SLC24A2: variants seen among roughly 807,000 people sequenced by gnomAD.
The protein encoded by SLC24A2 is sodium/potassium/calcium exchanger 2.
A neutral mutation model predicts 62.0 loss-of-function variants in SLC24A2; 36 were observed. That is an observed-to-expected ratio of 0.58 (90% CI 0.44 to 0.77). The LOEUF (loss-of-function observed/expected upper bound fraction) is 0.77. Ranked by LOEUF, SLC24A2 falls within the 30% of genes least tolerant of loss-of-function variation. The pLI is 0.00. For missense variants in SLC24A2, 846 were observed against 817.9 expected (o/e 1.03, Z -0.42); for synonymous variants, 358 against 294.0 (o/e 1.22, Z -2.23).
chr9:19,868,660 T>C, the SLC24A2 span, among the ~76,000 whole-genome samples: 1 of 152,184 alleles, frequency 6.6e-6, no homozygotes, highest in Non-Finnish European at 1.5e-5. Context: ...GTTAGTCGTG[T>C]ATATATTTAT....
At chr9:19,880,472 G>A in the SLC24A2 span, among the ~76,000 whole-genome samples, 1 of 152,164 alleles carries the variant, frequency 6.6e-6, no homozygotes, top group Admixed American at 6.5e-5. Flanking sequence ...CATGGCCACG[G>A]AAGTGGGGCT....
chr9:19,656,852 T>TA (rs892144120), intron 2 of SLC24A2, among the ~76,000 whole-genome samples: 1 of 152,208 alleles, frequency 6.6e-6, no homozygotes, highest in African/African-American at 2.4e-5. Context: ...CATCCACCGT[T>TA]ACCTCTCACC....
intron 2 of SLC24A2, among the ~76,000 whole-genome samples, chr9:19,683,157 T>C (rs967688859): frequency 6.6e-6 from 1 of 152,134 alleles, no homozygotes; most frequent in Non-Finnish European, 1.5e-5. Context: ...GTACATTAAC[T>C]ATTGAACACT....
chr9:19,680,039 A>G (rs1019412000), intron 2 of SLC24A2, among the ~76,000 whole-genome samples: 25 of 152,282 alleles, frequency 1.6e-4, no homozygotes, highest in African/African-American at 5.3e-4. Flanking sequence ...GGCTCTTCCA[A>G]CTAAACATGA....
intron 2 of SLC24A2, among the ~76,000 whole-genome samples, chr9:19,630,630 T>C (rs968394039): frequency 6.6e-6 from 1 of 152,114 alleles, no homozygotes; most frequent in South Asian, 2.1e-4. Context: ...AACGGTACCA[T>C]ATCAGTACCT....
At chr9:19,884,272 CT>C in the SLC24A2 span, among the ~76,000 whole-genome samples, 1 of 150,196 alleles carries the variant, frequency 6.7e-6, no homozygotes, top group Non-Finnish European at 1.5e-5. Context: ...TTTATGAGCC[CT>C]ATTCCTAAAG....
At chr9:19,776,358 T>C (rs1822846638) in intron 2 of SLC24A2, among the ~76,000 whole-genome samples, 1 of 152,202 alleles carries the variant, frequency 6.6e-6, no homozygotes, top group South Asian at 2.1e-4. Context: ...TGTTTCCCAA[T>C]CCTCAGATTC....
chr9:19,641,110 C>T (rs1016481430), intron 2 of SLC24A2, among the ~76,000 whole-genome samples: 4 of 152,308 alleles, frequency 2.6e-5, no homozygotes, highest in African/African-American at 9.6e-5. Context: ...ACCAAGTCAC[C>T]AAAGACCATT....
chr9:19,859,569 C>T, the SLC24A2 span, among the ~76,000 whole-genome samples: 1 of 152,142 alleles, frequency 6.6e-6, no homozygotes, highest in Non-Finnish European at 1.5e-5. Context: ...TTCCCCTTGC[C>T]CCCTGCAAGC....
chr9:19,829,816 C>T, the SLC24A2 span, among the ~76,000 whole-genome samples: 143 of 48,752 alleles, frequency 2.9e-3, no homozygotes, highest in African/African-American at 7.7e-3. Flanking sequence ...TATATACACA[C>T]ACACACACAC....
At chr9:19,760,588 C>T (rs184710970) in intron 2 of SLC24A2, among the ~76,000 whole-genome samples, 38 of 151,920 alleles carry the variant, frequency 2.5e-4, no homozygotes, top group Non-Finnish European at 4.9e-4. Flanking sequence ...CATTGTTCAA[C>T]TCCCACTTAT....
the SLC24A2 span, among the ~76,000 whole-genome samples, chr9:19,909,033 G>A: frequency 1.3e-5 from 2 of 152,120 alleles, no homozygotes; most frequent in African/African-American, 4.8e-5. Flanking sequence ...ACATGCACAC[G>A]TATGTTTATT....
At chr9:19,853,609 T>C in the SLC24A2 span, among the ~76,000 whole-genome samples, 1 of 152,020 alleles carries the variant, frequency 6.6e-6, no homozygotes, top group Non-Finnish European at 1.5e-5. Context: ...ATAAATTACA[T>C]TTGTTTATTT....
intron 7 of SLC24A2, among the ~76,000 whole-genome samples, chr9:19,556,651 T>G (rs187172260): frequency 8.5e-5 from 13 of 152,316 alleles, no homozygotes; most frequent in African/African-American, 3.1e-4. Flanking sequence ...CGGCTCACTG[T>G]AACACTTAGG....
At chr9:19,833,144 C>T in the SLC24A2 span, among the ~76,000 whole-genome samples, 1 of 152,172 alleles carries the variant, frequency 6.6e-6, no homozygotes, top group Non-Finnish European at 1.5e-5. Flanking sequence ...CAGCTCCCAG[C>T]ATGAGCGATG....
chr9:20,071,894 A>C, the SLC24A2 span, among the ~76,000 whole-genome samples: 1 of 152,068 alleles, frequency 6.6e-6, no homozygotes, highest in African/African-American at 2.4e-5. Flanking sequence ...GAACTCAAGG[A>C]AACACTTACT....
chr9:20,049,391 A>G, the SLC24A2 span, among the ~76,000 whole-genome samples: 1 of 152,316 alleles, frequency 6.6e-6, no homozygotes, highest in Middle Eastern at 3.4e-3. Flanking sequence ...GTATCTAGCT[A>G]GCTAAACTAA....
chr9:19,851,180 T>A, the SLC24A2 span, among the ~76,000 whole-genome samples: 1 of 149,598 alleles, frequency 6.7e-6, no homozygotes, highest in Non-Finnish European at 1.5e-5. Context: ...CCCACCACCA[T>A]GCCAGGCTAG....
At chr9:20,145,530 G>C in the SLC24A2 span, among the ~76,000 whole-genome samples, 1 of 151,728 alleles carries the variant, frequency 6.6e-6, no homozygotes, top group African/African-American at 2.4e-5. Context: ...GAACTGGTGG[G>C]CAAAGAAAGA....
Sources: allele counts gnomAD v4.1 joint callset (sites outside exome capture counted in the v4.1 genomes callset), GRCh38; gene constraint gnomAD v4.1.1; transcripts MANE v1.5; gene names NCBI Gene and HGNC (gene_info 2026-07-23, HGNC 2026-07-21).